Variants in WDR49 observed in about 807,000 individuals in gnomAD.
WDR49 encodes the protein cilia- and flagella-associated protein 337.
A neutral mutation model predicts 119.5 loss-of-function variants in WDR49; 107 were observed. That is an observed-to-expected ratio of 0.90 (90% confidence interval 0.77 to 1.05). WDR49 has a LOEUF of 1.05. Ranked by LOEUF, WDR49 falls within the 50% of genes least tolerant of loss-of-function variation. The probability of loss-of-function intolerance (pLI) is 0.00; values close to 1 mark genes in which losing one functional copy is unlikely to be tolerated. For missense variants in WDR49, 1,240 were observed against 1,220.5 expected (o/e 1.02, Z -0.24); for synonymous variants, 425 against 418.8 (o/e 1.01, Z -0.18).
At chr3:167,517,364 C>T (rs1752253418) in intron 16 of WDR49, among the ~76,000 whole-genome samples, 1 of 152,046 alleles carries the variant, frequency 6.6e-6, no homozygotes, top group African/African-American at 2.4e-5. Flanking sequence ...AGAAATAAGA[C>T]CACACATCTA....
chr3:167,633,188 G>A (rs911227969), intron 2 of WDR49, among the ~76,000 whole-genome samples: 4 of 151,560 alleles, frequency 2.6e-5, no homozygotes, highest in Admixed American at 6.6e-5. Context: ...TTGCTAACTA[G>A]ATAGTTCTTA....
rs530323646 is a variant in WDR49, at chr3:167,479,953, G to A, written c.3032-957C>T. 4.1e-4 allele frequency among the ~76,000 whole-genome samples: 62 copies of A among 152,000 alleles called. 1 individual carries two copies. Among genetic ancestry groups the A allele is most frequent in the Non-Finnish European group, 7.9e-4 (54 of 67,966 alleles). On this transcript the variant is annotated intron_variant, in intron 18 of 18. Coordinates refer to ENST00000682715, the MANE Select transcript of WDR49 (RefSeq NM_001366157.1). ...TGAATAAAGCATGGAAAAAAAGGCC[G>A]GGCACGGTGGCTCACGCCTATAATC...
chr3:167,514,489 C>T (rs910592629), intron 16 of WDR49, among the ~76,000 whole-genome samples: 2 of 151,904 alleles, frequency 1.3e-5, no homozygotes, highest in Non-Finnish European at 1.5e-5. Context: ...ACTAAATGCC[C>T]ACATCAAAAA....
At chr3:167,655,522 C>A (rs1278739604), upstream of WDR49, among the ~76,000 whole-genome samples, 1 of 152,006 alleles carries the variant, frequency 6.6e-6, no homozygotes, top group Non-Finnish European at 1.5e-5. Context: ...GTTCCTGTAC[C>A]CATTATAGAA....
At chr3:167,643,122 A>G (rs980347955) in intron 2 of WDR49, among the ~76,000 whole-genome samples, 1 of 152,068 alleles carries the variant, frequency 6.6e-6, no homozygotes. Context: ...AGTCAAACCA[A>G]TGGATGAAAT....
At chr3:167,566,333 C>T (rs890583169) in intron 8 of WDR49, among the ~76,000 whole-genome samples, 2 of 152,060 alleles carry the variant, frequency 1.3e-5, no homozygotes, top group Admixed American at 6.6e-5. Flanking sequence ...TGGAACCAAC[C>T]TAAATGCTCA....
chr3:167,615,778 G>T (rs543159917), intron 5 of WDR49, among the ~76,000 whole-genome samples: 4 of 152,158 alleles, frequency 2.6e-5, no homozygotes, highest in Non-Finnish European at 5.9e-5. Context: ...CAGTTTCTCA[G>T]CACCAATAGA....
At chr3:167,604,537 C>A (rs1047063366) in intron 5 of WDR49, 69 bp from the exon 6 acceptor site, 116 of 1,417,230 alleles carry the variant, frequency 8.2e-5, no homozygotes, top group Middle Eastern at 2.2e-4. Flanking sequence ...TAAAATGGAG[C>A]TGTTTTAATA....
chr3:167,500,528 C>A (rs1485930159), intron 17 of WDR49, among the ~76,000 whole-genome samples: 1 of 152,106 alleles, frequency 6.6e-6, no homozygotes, highest in Non-Finnish European at 1.5e-5. Flanking sequence ...GCTTCCCATT[C>A]ATTTTTTTTT....
chr3:167,561,025 T>C (rs1713237800), intron 8 of WDR49, among the ~76,000 whole-genome samples: 1 of 152,026 alleles, frequency 6.6e-6, no homozygotes, highest in African/African-American at 2.4e-5. Context: ...ATTACATAAA[T>C]GCATAGCTAG....
upstream of WDR49, among the ~76,000 whole-genome samples, chr3:167,656,627 A>G (rs536928448): frequency 3.9e-5 from 6 of 152,332 alleles, no homozygotes; most frequent in East Asian, 1.2e-3. Context: ...ATTACAGTAG[A>G]AGTTAATCAA....
chr3:167,623,009 AG>A (rs1369845740), intron 3 of WDR49, among the ~76,000 whole-genome samples: 2 of 152,116 alleles, frequency 1.3e-5, no homozygotes, highest in Non-Finnish European at 2.9e-5. Context: ...AAATATCAAC[AG>A]AACTATGACA....
At chr3:167,543,256 T>C (rs530832273) in intron 10 of WDR49, among the ~76,000 whole-genome samples, 8 of 152,044 alleles carry the variant, frequency 5.3e-5, no homozygotes, top group Admixed American at 2.0e-4. Flanking sequence ...TTCCAAAAGA[T>C]AGAGAAAGAG....
intron 10 of WDR49, among the ~76,000 whole-genome samples, chr3:167,549,394 G>A (rs1338461295): frequency 6.6e-6 from 1 of 152,188 alleles, no homozygotes; most frequent in East Asian, 1.9e-4. Flanking sequence ...TCTAACTGGT[G>A]TGAGATGGTA....
rs74510447 is a variant in WDR49, at chr3:167,628,837, G to T, written c.166-1545C>A. On this transcript the variant is annotated intron_variant, in intron 2 of 18. Coordinates refer to ENST00000682715, the MANE Select transcript of WDR49 (RefSeq NM_001366157.1). ...AGGACTTTCGTAGCTGAGAGAAAAA[G>T]TCATGCCTGGCTTCAAAGCTTCAAA... Among the ~76,000 whole-genome samples, 22 of 152,276 alleles carry T rather than the reference G, an allele frequency of 1.4e-4. 1 individual carries two copies. The East Asian group carries it at 4.3e-3, about 29-fold the overall frequency.
chr3:167,640,874 C>T (rs1043710336), intron 2 of WDR49, among the ~76,000 whole-genome samples: 5 of 151,632 alleles, frequency 3.3e-5, no homozygotes, highest in Admixed American at 6.6e-5. Flanking sequence ...CGAGAAAACC[C>T]CACAGGCAAT....
chr3:167,553,932 A>T (rs1465851714), intron 10 of WDR49, among the ~76,000 whole-genome samples: 1 of 152,180 alleles, frequency 6.6e-6, no homozygotes, highest in Non-Finnish European at 1.5e-5. Flanking sequence ...CTAGGTATAA[A>T]ATCTGATTTA....
At chr3:167,526,912 T>C (rs1286369128) in intron 15 of WDR49, among the ~76,000 whole-genome samples, 1 of 4,192 alleles carries the variant, frequency 2.4e-4, no homozygotes, top group African/African-American at 2.8e-3. Flanking sequence ...TATTGAGGCT[T>C]CACTTAAACT....
At chr3:167,652,903 T>C (rs1718455786) in intron 2 of WDR49, among the ~76,000 whole-genome samples, 3 of 152,180 alleles carry the variant, frequency 2.0e-5, no homozygotes, top group Admixed American at 1.3e-4. Context: ...AGAACAATTA[T>C]TCCTGGAGGT....
Sources: allele counts gnomAD v4.1 joint callset (sites outside exome capture counted in the v4.1 genomes callset), GRCh38; gene constraint gnomAD v4.1.1; transcripts MANE v1.5; gene names NCBI Gene and HGNC (gene_info 2026-07-23, HGNC 2026-07-21).